The following GABRB3 variants were observed in gnomAD, a reference collection of about 807,000 sequenced individuals.
GABRB3 encodes gamma-aminobutyric acid receptor subunit beta-3.
A neutral mutation model predicts 52.1 loss-of-function variants in GABRB3; 14 were observed. The observed-to-expected ratio is 0.27, with a 90% CI of 0.18 to 0.42. The LOEUF (loss-of-function observed/expected upper bound fraction) is 0.42, where lower values mean the gene tolerates loss of function less well. Among genes scored for constraint, GABRB3 ranks in the 10% least tolerant of loss-of-function variants. The pLI, the probability that GABRB3 is intolerant of heterozygous loss-of-function variation, is 1.00. For synonymous variants in GABRB3, 260 were observed against 232.3 expected (o/e 1.12, Z -1.08); for missense variants, 307 against 609.1 (o/e 0.50, Z 5.22).
rs966378831 is a variant in GABRB3 at position 26,725,737 on chromosome 15, G to A, written c.240+46665C>T. 5.9e-5 allele frequency among the ~76,000 whole-genome samples: 9 copies of A among 152,136 alleles called. 1 individual carries two copies. The highest frequency in any genetic ancestry group is 5.9e-4 in the Admixed American group (9 of 15,270). Reference sequence around the variant, plus strand: ...GAGATATCCTGGGGATGGGACCCAAGTCTAAGCATGAAATTCATTTATGTT... The same window carrying A: ...GAGATATCCTGGGGATGGGACCCAAATCTAAGCATGAAATTCATTTATGTT... On this transcript the variant is annotated intron_variant, in intron 3 of 8. Coordinates refer to ENST00000311550, the MANE Select transcript of GABRB3 (RefSeq NM_000814.6).
At chr15:26,585,915 A>C (rs1169114422) in intron 4 of GABRB3, among the ~76,000 whole-genome samples, 1 of 152,210 alleles carries the variant, frequency 6.6e-6, no homozygotes, top group Non-Finnish European at 1.5e-5. Flanking sequence ...ATTAGAATAG[A>C]GTTCTGCTAA....
intron 3 of GABRB3, among the ~76,000 whole-genome samples, chr15:26,656,467 T>C (rs1887376628): frequency 6.6e-6 from 1 of 152,242 alleles, no homozygotes; most frequent in Admixed American, 6.5e-5. Context: ...ATTTGTTCAT[T>C]TTACTTTGCC....
At chr15:26,548,247 G>C (rs879154677) in intron 8 of GABRB3, 113 bp from the exon 9 acceptor site, 1 of 863,530 alleles carries the variant, frequency 1.2e-6, no homozygotes, top group Middle Eastern at 2.1e-4. Context: ...ACGAGAAACT[G>C]TACATCTGTC....
intron 3 of GABRB3, among the ~76,000 whole-genome samples, chr15:26,689,054 G>T (rs1045460050): frequency 6.6e-6 from 1 of 152,190 alleles, no homozygotes; most frequent in African/African-American, 2.4e-5. Flanking sequence ...AATAGAGATG[G>T]GTTGGTGGAA....
At chr15:26,629,240 C>A (rs1280056523) in intron 3 of GABRB3, 2 of 1,371,936 alleles carry the variant, frequency 1.5e-6, no homozygotes, top group East Asian at 2.6e-5. Context: ...GAGGGCAGCG[C>A]GGAAGCTTGG....
intron 6 of GABRB3, among the ~76,000 whole-genome samples, chr15:26,568,687 T>G (rs1890279377): frequency 1.0e-5 from 1 of 98,078 alleles, no homozygotes. Context: ...TTTTTTGGTT[T>G]TGTATGTTTA....
At chr15:26,689,736 G>T (rs574836411) in intron 3 of GABRB3, among the ~76,000 whole-genome samples, 1 of 152,246 alleles carries the variant, frequency 6.6e-6, no homozygotes, top group South Asian at 2.1e-4. Flanking sequence ...CTGGCCGGTT[G>T]TTCTGCTGAA....
chr15:26,708,647 G>A (rs1889184857), intron 3 of GABRB3, among the ~76,000 whole-genome samples: 1 of 152,234 alleles, frequency 6.6e-6, no homozygotes, highest in Non-Finnish European at 1.5e-5. Context: ...AGGTTCAAGA[G>A]TGTTTCTGCA....
At chr15:26,634,834 T>G (rs1893002347) in intron 3 of GABRB3, among the ~76,000 whole-genome samples, 2 of 150,668 alleles carry the variant, frequency 1.3e-5, no homozygotes, top group Non-Finnish European at 3.0e-5. Context: ...ATATATGTGT[T>G]TGTGTGTGTA....
At chr15:26,595,416 G>A (rs1203018593) in intron 4 of GABRB3, among the ~76,000 whole-genome samples, 1 of 152,134 alleles carries the variant, frequency 6.6e-6, no homozygotes, top group African/African-American at 2.4e-5. Context: ...GGATATGGGT[G>A]GGGGAAATGG....
chr15:26,590,614 G>A (rs1318760021), intron 4 of GABRB3, among the ~76,000 whole-genome samples: 2 of 152,232 alleles, frequency 1.3e-5, no homozygotes, highest in African/African-American at 2.4e-5. Flanking sequence ...AGAAGTCACA[G>A]GACATAGGCC....
intron 3 of GABRB3, among the ~76,000 whole-genome samples, chr15:26,657,986 G>A (rs1887425745): frequency 6.6e-6 from 1 of 152,272 alleles, no homozygotes; most frequent in African/African-American, 2.4e-5. Flanking sequence ...TATGGCTAGG[G>A]AGTCATGCAG....
Position 26,773,000 on chromosome 15 carries a change from C to T in GABRB3, c.-38G>A. On this transcript the variant is annotated 5_prime_UTR_variant, in exon 1 of 9. Transcript: ENST00000311550. The stretch of plus-strand genomic sequence containing the variant: ...CCCCGGCACGGGGGAGGGGGCGCCC[C>T]GCCGCCGTCGCGACCCGCAGCCGGG... 1.5e-6 allele frequency: 2 copies of T among 1,324,784 alleles called. No homozygotes were observed. Among genetic ancestry groups the T allele is most frequent in the Non-Finnish European group, 1.9e-6 (2 of 1,027,624 alleles). 82.1% of individuals were successfully genotyped at this position (1,324,784 alleles called of 1,614,324 possible).
At chr15:26,747,978 T>TG (rs776720602) in intron 3 of GABRB3, among the ~76,000 whole-genome samples, 1,716 of 68,502 alleles carry the variant, frequency 0.025, 54 homozygotes, top group East Asian at 0.11. Flanking sequence ...TTTTTTTTTT[T>TG]GCCTACAATT....
chr15:26,619,578 T>A (rs1206151329), intron 4 of GABRB3, among the ~76,000 whole-genome samples: 2 of 149,168 alleles, frequency 1.3e-5, no homozygotes, highest in African/African-American at 4.9e-5. Flanking sequence ...AGATGACGAG[T>A]TAGTGGGTGC....
intron 3 of GABRB3, among the ~76,000 whole-genome samples, chr15:26,664,776 C>T (rs1488659330): frequency 1.4e-5 from 2 of 140,386 alleles, no homozygotes; most frequent in African/African-American, 2.7e-5. Context: ...ACAATCTCAG[C>T]TCACCGCAAC....
intron 6 of GABRB3, chr15:26,569,384 C>A (rs1197915690): frequency 6.6e-6 from 1 of 152,196 alleles, no homozygotes; most frequent in East Asian, 1.9e-4. Flanking sequence ...ATTTCTCTTA[C>A]ACAGCTCTGA....
chr15:26,703,977 G>T (rs1381651736), intron 3 of GABRB3, among the ~76,000 whole-genome samples: 1 of 152,204 alleles, frequency 6.6e-6, no homozygotes, highest in Non-Finnish European at 1.5e-5. Context: ...ACATTCTGGG[G>T]TCTTGGTGGC....
At chr15:26,713,975 T>C (rs1217651757) in intron 3 of GABRB3, among the ~76,000 whole-genome samples, 1 of 152,198 alleles carries the variant, frequency 6.6e-6, no homozygotes, top group Non-Finnish European at 1.5e-5. Flanking sequence ...ACACTTGCCA[T>C]GGCGGGGCTG....
Sources: allele counts gnomAD v4.1 joint callset (sites outside exome capture counted in the v4.1 genomes callset), GRCh38; gene constraint gnomAD v4.1.1; transcripts MANE v1.5; gene names NCBI Gene and HGNC (gene_info 2026-07-23, HGNC 2026-07-21).